Variants in RFT1 observed in about 807,000 individuals in gnomAD.
The protein encoded by RFT1 is man(5)GlcNAc(2)-PP-dolichol translocation protein RFT1.
In RFT1, 43 loss-of-function variants were observed where a neutral mutation model predicts 62.2. The ratio of observed to expected loss-of-function variants is 0.69; its 90% CI spans 0.54 to 0.89. The LOEUF is 0.89. Ranked by LOEUF, RFT1 falls within the 40% of genes least tolerant of loss-of-function variation. RFT1 has a pLI of 0.00. For synonymous variants in RFT1, 262 were observed against 264.6 expected (o/e 0.99, Z 0.10); for missense variants, 605 against 649.9 (o/e 0.93, Z 0.75).
chr3:53,101,469 A>G (rs1318283328), intron 10 of RFT1, among the ~76,000 whole-genome samples: 1 of 152,232 alleles, frequency 6.6e-6, no homozygotes, highest in Admixed American at 6.5e-5. Context: ...GTCGTGAGGC[A>G]TGGAGAACAC....
downstream of RFT1, among the ~76,000 whole-genome samples, chr3:53,085,037 T>C (rs967309956): frequency 1.4e-5 from 2 of 144,224 alleles, no homozygotes; most frequent in Non-Finnish European, 3.0e-5. Context: ...CAGTTCCATT[T>C]CTCCTGCAGG....
intron 2 of RFT1, 82 bp from the exon 3 acceptor site, chr3:53,123,922 G>C: frequency 8.7e-7 from 1 of 1,145,868 alleles, no homozygotes; most frequent in South Asian, 1.3e-5. Flanking sequence ...CAACAGGGAG[G>C]AGATAAAGTC....
At chr3:53,086,894 G>A (rs999104472), downstream of RFT1, among the ~76,000 whole-genome samples, 5 of 152,268 alleles carry the variant, frequency 3.3e-5, no homozygotes, top group Non-Finnish European at 4.4e-5. Context: ...CTGCACACCC[G>A]TCTCACTTGC....
intron 4 of RFT1, among the ~76,000 whole-genome samples, chr3:53,122,073 A>T (rs1701984954): frequency 6.6e-6 from 1 of 152,232 alleles, no homozygotes; most frequent in Non-Finnish European, 1.5e-5. Context: ...TTAGTATACA[A>T]CTAAATATAA....
At chr3:53,130,228 G>C in intron 1 of RFT1, 110 bp downstream of exon 1, 1 of 1,094,934 alleles carries the variant, frequency 9.1e-7, no homozygotes, top group Non-Finnish European at 1.4e-6. Flanking sequence ...CCATTGCGGG[G>C]TCCACCTCGG....
intron 6 of RFT1, among the ~76,000 whole-genome samples, chr3:53,113,064 G>A (rs1701696369): frequency 6.6e-6 from 1 of 152,184 alleles, no homozygotes; most frequent in Admixed American, 6.5e-5. Context: ...CACCCAGGTT[G>A]GAATGCAGTG....
the RFT1 span, among the ~76,000 whole-genome samples, chr3:53,081,048 A>G: frequency 5.9e-5 from 9 of 152,344 alleles, no homozygotes; most frequent in Non-Finnish European, 1.2e-4. Flanking sequence ...CAGGGCCACC[A>G]GGCCTGACAC....
intron 7 of RFT1, 149 bp downstream of exon 7, chr3:53,111,681 T>C: frequency 1.4e-6 from 1 of 709,690 alleles, no homozygotes; most frequent in East Asian, 2.6e-5. Flanking sequence ...CGTTGGTTTC[T>C]CTCTCCGTAT....
rs531871234 is a variant in RFT1, at chr3:53,094,669, T to C, written c.1209-2051A>G. ...TTTCAGAAACTATCTCAGAAAGGTC[T>C]ACTATACCAATCCTTGGAGTTTAAG... is the stretch of plus-strand genomic sequence containing the variant. On this transcript the variant is annotated intron_variant, in intron 11 of 12. Transcript: ENST00000296292. Among the ~76,000 whole-genome samples, 10 of 152,236 alleles carry C rather than the reference T, an allele frequency of 6.6e-5. No individual in the cohort carries two copies. In the East Asian group the frequency reaches 1.9e-3, roughly 30 times the overall value.
chr3:53,066,985 T>C, the RFT1 span, among the ~76,000 whole-genome samples: 1 of 151,962 alleles, frequency 6.6e-6, no homozygotes, highest in East Asian at 1.9e-4. Context: ...TACTCAACGA[T>C]AAAAAAGAAA....
At chr3:53,068,429 A>G in the RFT1 span, among the ~76,000 whole-genome samples, 16 of 152,116 alleles carry the variant, frequency 1.1e-4, no homozygotes, top group Non-Finnish European at 2.4e-4. Flanking sequence ...TCCACCTCAC[A>G]TGTGTGTGGC....
At chr3:53,125,227 ATTGTC>A (rs1273472229) in intron 2 of RFT1, among the ~76,000 whole-genome samples, 1 of 152,156 alleles carries the variant, frequency 6.6e-6, no homozygotes, top group African/African-American at 2.4e-5. Flanking sequence ...TCTGGAACAT[ATTGTC>A]TTATTTATCA....
chr3:53,113,650 T>C (rs1163418677), intron 6 of RFT1, among the ~76,000 whole-genome samples: 1 of 152,252 alleles, frequency 6.6e-6, no homozygotes, highest in East Asian at 1.9e-4. Flanking sequence ...TTAATATATT[T>C]TATTTAACCA....
chr3:53,068,145 G>C, the RFT1 span, among the ~76,000 whole-genome samples: 4 of 152,240 alleles, frequency 2.6e-5, no homozygotes, highest in Admixed American at 2.6e-4. Context: ...ATGCAGGAGG[G>C]GACAGGGCTT....
At chr3:53,106,647 A>G (rs1377180012) in intron 8 of RFT1, among the ~76,000 whole-genome samples, 172 bp downstream of exon 8, 1 of 152,178 alleles carries the variant, frequency 6.6e-6, no homozygotes, top group Non-Finnish European at 1.5e-5. Context: ...AATACCTGAC[A>G]CCAAAGTCAT....
In RFT1 at chr3:53,090,485, G is replaced by T. The variant is rs1012410422; in HGVS notation, c.*1418C>A. On this transcript the variant is annotated 3_prime_UTR_variant, in exon 13 of 13. Transcript: ENST00000296292. ...TTTAGCTGCTTTTCTCCCACTTAGT[G>T]CAAAGCATTCTCCCTCTGAGTAGAT... The T allele has an allele frequency of 3.9e-5, 6 of 152,216 alleles. No individual in the cohort carries two copies. Among genetic ancestry groups the T allele is most frequent in the Non-Finnish European group, 7.3e-5 (5 of 68,042 alleles). 9.4% of individuals were successfully genotyped at this position (152,216 alleles called of 1,614,324 possible).
chr3:53,122,748 C>G (rs1250566437), intron 3 of RFT1, among the ~76,000 whole-genome samples, 185 bp from the exon 4 acceptor site: 1 of 152,118 alleles, frequency 6.6e-6, no homozygotes, highest in Non-Finnish European at 1.5e-5. Flanking sequence ...CACAATGATC[C>G]TCTGTCATTA....
intron 11 of RFT1, among the ~76,000 whole-genome samples, chr3:53,096,618 G>C (rs1170745099): frequency 6.6e-6 from 1 of 152,000 alleles, no homozygotes; most frequent in African/African-American, 2.4e-5. Flanking sequence ...GGGAGGCGGA[G>C]GCTGCAGTGA....
intron 8 of RFT1, among the ~76,000 whole-genome samples, chr3:53,106,151 C>T (rs1701466360): frequency 6.6e-6 from 1 of 151,978 alleles, no homozygotes. Flanking sequence ...GAGGATCACC[C>T]AAGCCCAGGA....
Sources: gnomAD v4.1 joint callset for allele counts (sites outside exome capture counted in the v4.1 genomes callset) on GRCh38, gnomAD v4.1.1 for gene constraint, MANE v1.5 for transcripts, NCBI Gene and HGNC (gene_info 2026-07-23, HGNC 2026-07-21) for gene names.